Variants in RASSF5 observed in about 807,000 individuals in gnomAD.
The protein encoded by RASSF5 is Ras association domain family member 5, also known as ras association domain-containing protein 5.
Under a neutral mutation model 40.5 loss-of-function variants are expected in RASSF5, and 25 were observed. The observed-to-expected ratio is 0.62, with a 90% CI of 0.45 to 0.86. The LOEUF (loss-of-function observed/expected upper bound fraction) is 0.86, where lower values mean the gene tolerates loss of function less well. RASSF5 is among the 40% of genes least tolerant of loss of function. RASSF5 has a pLI of 0.00. For missense variants in RASSF5, 521 were observed against 572.8 expected, an observed-to-expected ratio of 0.91 and a Z score of 0.92; for synonymous variants, 246 against 252.4, an observed-to-expected ratio of 0.97 and a Z score of 0.24.
chr1:206,563,328 G>A (rs1455142877), intron 2 of RASSF5, among the ~76,000 whole-genome samples: 2 of 152,158 alleles, frequency 1.3e-5, no homozygotes, highest in Non-Finnish European at 2.9e-5. Flanking sequence ...CCAGGCACCT[G>A]GGAAGCTCTG....
intron 1 of RASSF5, among the ~76,000 whole-genome samples, chr1:206,519,963 A>G (rs368576528): frequency 1.3e-5 from 2 of 152,316 alleles, no homozygotes; most frequent in East Asian, 1.9e-4. Flanking sequence ...TTAAATGCTC[A>G]CGAGCAAGTT....
intron 2 of RASSF5, chr1:206,583,061 G>C (rs1171613145): frequency 3.9e-6 from 2 of 509,296 alleles, no homozygotes; most frequent in Non-Finnish European, 7.2e-6. Context: ...AGAGAAATCT[G>C]AGTTACTTCT....
intron 1 of RASSF5, among the ~76,000 whole-genome samples, chr1:206,516,424 C>A (rs782313931): frequency 1.3e-5 from 2 of 151,646 alleles, no homozygotes; most frequent in Admixed American, 6.6e-5. Context: ...GCAGCCCAAA[C>A]GGTGCATTCG....
chr1:206,540,787 G>A (rs1553399278), intron 2 of RASSF5, among the ~76,000 whole-genome samples: 1 of 152,184 alleles, frequency 6.6e-6, no homozygotes, highest in Non-Finnish European at 1.5e-5. Context: ...TGCTAGTGCT[G>A]TTTTCTTGGG....
At position 206,531,214 on chromosome 1, in the gene RASSF5, C is replaced by T. The variant is rs1468207281; in HGVS notation, c.458-6958C>T. 1.3e-5 allele frequency among the ~76,000 whole-genome samples: 2 copies of T among 152,222 alleles called. No homozygotes were observed. Among genetic ancestry groups the T allele is most frequent in the Non-Finnish European group, 2.9e-5 (2 of 68,034 alleles). ...CAACAAAGGGCAGCAGAGAAGCATT[C>T]CTTCCTTTAGTCACTCAACCAATTT... On this transcript the variant is annotated intron_variant, in intron 1 of 5. Coordinates refer to ENST00000579436, the MANE Select transcript of RASSF5 (RefSeq NM_182663.4). The surrounding 1 kb of genome is among the most constrained non-coding windows in gnomAD (Gnocchi z 4.7).
chr1:206,546,270 C>G (rs1667691870), intron 2 of RASSF5, among the ~76,000 whole-genome samples: 1 of 151,482 alleles, frequency 6.6e-6, no homozygotes, highest in Non-Finnish European at 1.5e-5. Context: ...CCACACCTGG[C>G]TGACTTTTTT....
intron 2 of RASSF5, among the ~76,000 whole-genome samples, chr1:206,569,500 A>C (rs1481217006): frequency 6.6e-6 from 1 of 152,238 alleles, no homozygotes; most frequent in Non-Finnish European, 1.5e-5. Context: ...ACAAGGGAAG[A>C]AGCCTTGGCT....
At chr1:206,583,672 C>CG in intron 3 of RASSF5, 1 of 379,150 alleles carries the variant, frequency 2.6e-6, no homozygotes, top group South Asian at 2.3e-5. Context: ...ACGTAATGAC[C>CG]AAGGGCCCAG....
At position 206,538,238 on chromosome 1, in the gene RASSF5, G is replaced by T; in HGVS notation, c.524G>T (p.Gly175Val). 1 of 1,614,192 alleles carries T rather than the reference G, an allele frequency of 6.2e-7. No homozygotes were observed. Among genetic ancestry groups the T allele is most frequent in the Non-Finnish European group, 8.5e-7 (1 of 1,180,044 alleles). Residue 175 changes from glycine to valine, a missense_variant, in exon 2 of 6, where the codon GGT (glycine) becomes GTT (valine). Physicochemically the swap from Gly to Val is moderately radical, Grantham distance 109. Around this residue, in one of 2 missense-constraint regions of RASSF5, gnomAD observed 284 missense variants for 360.8 expected, o/e 0.79. Coordinates refer to ENST00000579436, the MANE Select transcript of RASSF5 (RefSeq NM_182663.4). The stretch of plus-strand genomic sequence containing the variant: ...CAGTTGGACTGCAGTCAGCAGGAGG[G>T]TTTATCCCGGGACAGACCCTCTCCA... The part of the protein sequence containing the change: ...LIQLDCSQQE[G>V]LSRDRPSPES...
rs72755033 is a variant in RASSF5 at position 206,578,539 on chromosome 1, G to A, written c.580-4730G>A. ...TAAAGTGACTTCTGATGGGCAAACA[G>A]GTGTGAGATGATTCAAATCGTGGGC... On this transcript the variant is annotated intron_variant, in intron 2 of 5. Transcript: ENST00000579436. Among the ~76,000 whole-genome samples the A allele has an allele frequency of 3.5e-3, 528 of 152,290 alleles. 1 individual carries two copies. The highest frequency in any genetic ancestry group is 6.6e-3 in the Non-Finnish European group (447 of 68,026).
rs540298631 is a variant in RASSF5, at chr1:206,524,473, A to G, written c.458-13699A>G. Among the ~76,000 whole-genome samples the G allele has an allele frequency of 1.4e-4, 20 of 138,688 alleles. No individual in the cohort carries two copies. The South Asian group carries it at 4.3e-3, about 30-fold the overall frequency. 91.0% of individuals were successfully genotyped at this position (138,688 alleles called of 152,430 possible). A position where few individuals can be genotyped will look rare whatever the true frequency, so the allele number is the denominator to read the frequency against. On this transcript the variant is annotated intron_variant, in intron 1 of 5. Transcript: ENST00000579436. ...TTCTATATATTATATATATAAATATATATATGGTTTTTTTTTTTGAGACAG... is the reference window on the plus strand; with the variant it reads ...TTCTATATATTATATATATAAATATGTATATGGTTTTTTTTTTTGAGACAG...
At chr1:206,514,991 T>C (rs550209076) in intron 1 of RASSF5, among the ~76,000 whole-genome samples, 58 of 152,310 alleles carry the variant, frequency 3.8e-4, no homozygotes, top group African/African-American at 1.3e-3. Context: ...GGCCATCTCA[T>C]AGATGAGGAA....
intron 2 of RASSF5, chr1:206,557,786 CA>C (rs1428941069): frequency 2.6e-5 from 37 of 1,411,524 alleles, no homozygotes; most frequent in Non-Finnish European, 3.4e-5. Context: ...AGCAAAGGGA[CA>C]AAGCCACATG....
At chr1:206,537,258 C>G (rs1667440576) in intron 1 of RASSF5, among the ~76,000 whole-genome samples, 2 of 152,192 alleles carry the variant, frequency 1.3e-5, no homozygotes, top group African/African-American at 4.8e-5. Flanking sequence ...GTCACTAAGT[C>G]TCTGCTTCCA....
At chr1:206,525,528 C>G (rs1553397072) in intron 1 of RASSF5, among the ~76,000 whole-genome samples, 2 of 152,178 alleles carry the variant, frequency 1.3e-5, no homozygotes, top group East Asian at 3.8e-4. Context: ...CTCGCCTCAC[C>G]CACCTGAGTA....
chr1:206,513,280 C>G lies in RASSF5; in HGVS notation c.457+5221C>G, dbSNP rs1206498542. Among the ~76,000 whole-genome samples, 3 of 152,222 alleles carry G rather than the reference C, an allele frequency of 2.0e-5. No homozygotes were observed. Among genetic ancestry groups the G allele is most frequent in the Non-Finnish European group, 1.5e-5 (1 of 68,042 alleles). On this transcript the variant is annotated intron_variant, in intron 1 of 5. Transcript: ENST00000579436. The surrounding 1 kb of genome is among the most constrained non-coding windows in gnomAD (Gnocchi z 5.0). Reference sequence around the variant, plus strand: ...TGCTGGCATTCTTGCTCTGCCCAGGCTTACTATGAAGGCTGCTGAGGAACC... The same window carrying G: ...TGCTGGCATTCTTGCTCTGCCCAGGGTTACTATGAAGGCTGCTGAGGAACC...
chr1:206,539,047 G>A (rs533312118), intron 2 of RASSF5, among the ~76,000 whole-genome samples: 8 of 152,310 alleles, frequency 5.3e-5, no homozygotes, highest in South Asian at 4.1e-4. Context: ...GATATATAGT[G>A]CAATTGTTTC....
chr1:206,539,630 A>G (rs1423107398), intron 2 of RASSF5, among the ~76,000 whole-genome samples: 1 of 152,222 alleles, frequency 6.6e-6, no homozygotes, highest in East Asian at 1.9e-4. Flanking sequence ...AGACGTTGGA[A>G]TAGTAACTAT....
At chr1:206,540,284 G>T (rs1405329809) in intron 2 of RASSF5, among the ~76,000 whole-genome samples, 2 of 152,252 alleles carry the variant, frequency 1.3e-5, no homozygotes, top group Non-Finnish European at 1.5e-5. Context: ...CCTGGAGTTG[G>T]CTGGATTCGT....
Sources: gnomAD v4.1 joint callset for allele counts (sites outside exome capture counted in the v4.1 genomes callset) on GRCh38, gnomAD v4.1.1 for gene constraint, gnomAD v4.1.1 regional missense constraint, Gnocchi (gnomAD v3.1) non-coding constraint, MANE v1.5 for transcripts, NCBI Gene and HGNC (gene_info 2026-07-23, HGNC 2026-07-21) for gene names.